CFAP45: variants seen among roughly 807,000 people sequenced by gnomAD.
The protein encoded by CFAP45 is cilia and flagella associated protein 45.
A neutral mutation model predicts 75.6 loss-of-function variants in CFAP45; 43 were observed. That is an observed-to-expected ratio of 0.57 (90% CI 0.45 to 0.73). CFAP45 has a LOEUF of 0.73. Among genes scored for constraint, CFAP45 ranks in the 30% least tolerant of loss-of-function variants. CFAP45 has a pLI of 0.00. For synonymous variants in CFAP45, 223 were observed against 244.6 expected (o/e 0.91, Z 0.82); for missense variants, 689 against 701.5 (o/e 0.98, Z 0.20).
intron 9 of CFAP45, 150 bp downstream of exon 9, chr1:159,877,199 G>T (rs1649423565): frequency 4.1e-6 from 3 of 728,038 alleles, no homozygotes; most frequent in Non-Finnish European, 7.6e-6. Flanking sequence ...CTGGGAGCAG[G>T]CCACCCCTTC....
chr1:159,877,474 A>C lies in CFAP45; in HGVS notation c.1045-12T>G, dbSNP rs780716536. The C allele has an allele frequency of 6.3e-7, 1 of 1,593,688 alleles. No homozygotes were observed. Among genetic ancestry groups the C allele is most frequent in the Non-Finnish European group, 8.6e-7 (1 of 1,161,294 alleles). On this transcript the variant is annotated splice_polypyrimidine_tract_variant and intron_variant, in intron 8 of 11. Coordinates refer to ENST00000368099, the MANE Select transcript of CFAP45 (RefSeq NM_012337.3). The stretch of plus-strand genomic sequence containing the variant: ...TCTGCTTCTCGAGCCTGCCGGAAGG[A>C]AAGGCCTTGTAGAATAGTTGCCATT...
At chr1:159,880,834 T>C in intron 7 of CFAP45, 134 bp from the exon 8 acceptor site, 1 of 740,930 alleles carries the variant, frequency 1.3e-6, no homozygotes, top group Non-Finnish European at 2.1e-6. Flanking sequence ...CAACTATCCT[T>C]TGTTAAAGCT....
chr1:159,875,481 G>A (rs1473647924), intron 10 of CFAP45, among the ~76,000 whole-genome samples: 7 of 152,140 alleles, frequency 4.6e-5, no homozygotes, highest in Non-Finnish European at 8.8e-5. Flanking sequence ...TCTGGCTCTC[G>A]TAAGGATAGA....
In CFAP45 at chr1:159,888,440, T is replaced by C; in HGVS notation, c.329A>G (p.Glu110Gly). 6.2e-7 allele frequency: 1 copy of C among 1,605,518 alleles called. No homozygotes were observed. The highest frequency in any genetic ancestry group is 8.5e-7 in the Non-Finnish European group (1 of 1,173,458). Residue 110 changes from glutamate to glycine, a missense_variant, in exon 4 of 12, where the codon GAG (glutamate) becomes GGG (glycine). Glu to Gly is a moderately conservative substitution (Grantham distance 98). Transcript: ENST00000368099. ...ESLIISPEEF[E>G]RIKWASHVLT... ...GACATGGGATGCCCATTTGATTCGCTCAAACTCCTCAGGGCTGATGATTAG... is the reference window on the plus strand; with the variant it reads ...GACATGGGATGCCCATTTGATTCGCCCAAACTCCTCAGGGCTGATGATTAG...
chr1:159,873,977 G>C (rs1294606419), intron 10 of CFAP45, among the ~76,000 whole-genome samples: 1 of 151,656 alleles, frequency 6.6e-6, no homozygotes, highest in Non-Finnish European at 1.5e-5. Flanking sequence ...GAAGGAAGGA[G>C]CTCAGCCTGA....
intron 8 of CFAP45, among the ~76,000 whole-genome samples, chr1:159,878,614 A>G (rs1649464000): frequency 6.6e-6 from 1 of 151,724 alleles, no homozygotes; most frequent in African/African-American, 2.4e-5. Context: ...TTAGCTGAGC[A>G]TGGTGGCGCA....
At chr1:159,882,620 T>C (rs1649574393) in intron 7 of CFAP45, among the ~76,000 whole-genome samples, 1 of 152,140 alleles carries the variant, frequency 6.6e-6, no homozygotes, top group African/African-American at 2.4e-5. Context: ...CAGGTTTCCT[T>C]GCTAAAGTTG....
At position 159,880,557 on chromosome 1, in the gene CFAP45, C is replaced by A. The variant is rs1649525302; in HGVS notation, c.1041G>T (p.Lys347Asn). 6 of 1,612,446 alleles carry A rather than the reference C, an allele frequency of 3.7e-6. No individual in the cohort carries two copies. Among genetic ancestry groups the A allele is most frequent in the Admixed American group, 1.7e-5 (1 of 59,814 alleles). Residue 347 changes from lysine to asparagine, a missense_variant, in exon 8 of 12, where the codon AAG becomes AAT. Physicochemically the swap from Lys to Asn is moderately conservative, Grantham distance 94. Coordinates refer to ENST00000368099, the MANE Select transcript of CFAP45 (RefSeq NM_012337.3). Reference protein sequence around the residue: ...DQMVMEFTKKKMAREAEFEAE... With the variant: ...DQMVMEFTKKNMAREAEFEAE... The stretch of plus-strand genomic sequence containing the variant: ...GTCCCAGAAACCAAGTCCCTACCAT[C>A]TTCTTCTTGGTAAACTCCATCACCA...
At chr1:159,894,605 C>T (rs1486770873) in intron 1 of CFAP45, among the ~76,000 whole-genome samples, 1 of 152,140 alleles carries the variant, frequency 6.6e-6, no homozygotes, top group Non-Finnish European at 1.5e-5. Context: ...TGTTTCTCTC[C>T]CAAGACCCTT....
chr1:159,885,162 C>T lies in CFAP45; in HGVS notation c.768-597G>A, dbSNP rs369691473. Among the ~76,000 whole-genome samples the T allele has an allele frequency of 2.8e-4, 43 of 152,288 alleles. No homozygotes were observed. In the East Asian group the frequency reaches 5.2e-3, roughly 18 times the overall value. ...ATGGAGTGCTCGAATGGCTTCATGA[C>T]TCCAGATGAAGTAAACAGGAGTAAA... is the stretch of plus-strand genomic sequence containing the variant. On this transcript the variant is annotated intron_variant, in intron 6 of 11. Transcript: ENST00000368099.
At chr1:159,873,515 G>T (rs1410138149) in intron 10 of CFAP45, 1 of 285,892 alleles carries the variant, frequency 3.5e-6, no homozygotes, top group African/African-American at 2.2e-5. Flanking sequence ...CTGTCACCCA[G>T]GCTGGAATGC....
chr1:159,876,549 C>T lies in CFAP45; in HGVS notation c.1352+7G>A, dbSNP rs1649405128. 1 of 1,603,480 alleles carries T rather than the reference C, an allele frequency of 6.2e-7. No homozygotes were observed. The highest frequency in any genetic ancestry group is 8.5e-7 in the Non-Finnish European group (1 of 1,170,436). Reference sequence around the variant, plus strand: ...AAAGGAATCCAAGGTTCCCAGGCCCCTCCTACCGAAGAATCCTCTCGAACT... The same window carrying T: ...AAAGGAATCCAAGGTTCCCAGGCCCTTCCTACCGAAGAATCCTCTCGAACT... On this transcript the variant is annotated splice_region_variant and intron_variant, in intron 10 of 11. Coordinates refer to ENST00000368099, the MANE Select transcript of CFAP45 (RefSeq NM_012337.3).
chr1:159,879,178 A>G lies in CFAP45; in HGVS notation c.1044+1376T>C, dbSNP rs148428117. Among the ~76,000 whole-genome samples the G allele has an allele frequency of 2.5e-3, 376 of 152,228 alleles. 4 individuals carry two copies. Among genetic ancestry groups the G allele is most frequent in the African/African-American group, 8.8e-3 (367 of 41,530 alleles). ...CGACTCCTTATCATTCCACTCTTCC[A>G]GCTCCACTCAATGTCCAAGACACCC... On this transcript the variant is annotated intron_variant, in intron 8 of 11. Transcript: ENST00000368099.
chr1:159,880,526 C>A, intron 8 of CFAP45, 28 bp downstream of exon 8: 1 of 1,605,352 alleles, frequency 6.2e-7, no homozygotes, highest in African/African-American at 1.3e-5. Flanking sequence ...CCATTCCTAA[C>A]CAAAGGTCCC....
chr1:159,879,509 C>T (rs539651197), intron 8 of CFAP45, among the ~76,000 whole-genome samples: 43 of 152,298 alleles, frequency 2.8e-4, no homozygotes, highest in African/African-American at 9.9e-4. Context: ...ACACTTAGCA[C>T]GGAGCCTATG....
At chr1:159,878,777 A>AAAAAAAAAAAAAAAAC (rs1649475779) in intron 8 of CFAP45, among the ~76,000 whole-genome samples, 1 of 135,568 alleles carries the variant, frequency 7.4e-6, no homozygotes, top group African/African-American at 2.8e-5. Context: ...AAAAAAAAAA[A>AAAAAAAAAAAAAAAAC]AAAAACCTTC....
At chr1:159,899,028 T>C (rs140752162) in intron 1 of CFAP45, among the ~76,000 whole-genome samples, 1 of 152,322 alleles carries the variant, frequency 6.6e-6, no homozygotes, top group East Asian at 1.9e-4. Flanking sequence ...TTGCCACCTG[T>C]TGTGCCCCAG....
intron 10 of CFAP45, among the ~76,000 whole-genome samples, chr1:159,875,833 T>A (rs1453286281): frequency 6.6e-6 from 1 of 152,214 alleles, no homozygotes. Context: ...GAGCTGTGAC[T>A]GTTGACTGCT....
chr1:159,872,538 A>G lies in CFAP45; in HGVS notation c.1603T>C (p.Cys535Arg), dbSNP rs766249148. The change falls in exon 12 of 12, where the codon TGC becomes CGC. Residue 535 changes from cysteine to arginine, a missense_variant. Cys to Arg is a radical substitution (Grantham distance 180). Transcript: ENST00000368099. ...TTAGCTTTGCGCTCAGCTTCAATGCAGTACTTCTCGGGAAGGCCAGTGGCT... is the reference window on the plus strand; with the variant it reads ...TTAGCTTTGCGCTCAGCTTCAATGCGGTACTTCTCGGGAAGGCCAGTGGCT... Reference protein sequence around the residue: ...LRATGLPEKYCIEAERKANIL... With the variant: ...LRATGLPEKYRIEAERKANIL... 9 of 1,614,066 alleles carry G rather than the reference A, an allele frequency of 5.6e-6. No homozygotes were observed. The Admixed American group carries it at 1.2e-4, about 21-fold the overall frequency.
Sources: gnomAD v4.1 joint callset for allele counts (sites outside exome capture counted in the v4.1 genomes callset) on GRCh38, gnomAD v4.1.1 for gene constraint, MANE v1.5 for transcripts, NCBI Gene and HGNC (gene_info 2026-07-23, HGNC 2026-07-21) for gene names.